The following DENND5A variants were observed in gnomAD, a reference collection of about 807,000 sequenced individuals.
DENND5A encodes the protein DENN domain-containing protein 5A.
A neutral mutation model predicts 140.3 loss-of-function variants in DENND5A; 64 were observed. The ratio of observed to expected loss-of-function variants is 0.46; its 90% CI spans 0.37 to 0.56. The LOEUF is 0.56. Ranked by LOEUF, DENND5A falls within the 20% of genes least tolerant of loss-of-function variation. The pLI, the probability that DENND5A is intolerant of heterozygous loss-of-function variation, is 0.00. For synonymous variants in DENND5A, 605 were observed against 607.7 expected (o/e 1.00, Z 0.07); for missense variants, 1,292 against 1,593.8 (o/e 0.81, Z 3.22).
chr11:9,173,465 G>A (rs1590232270), intron 8 of DENND5A, among the ~76,000 whole-genome samples: 1 of 152,222 alleles, frequency 6.6e-6, no homozygotes, highest in East Asian at 1.9e-4. Flanking sequence ...AAGTAAAATA[G>A]ATGACAATAG....
intron 15 of DENND5A, among the ~76,000 whole-genome samples, chr11:9,148,980 T>A (rs957278288): frequency 1.4e-4 from 22 of 151,942 alleles, no homozygotes; most frequent in Non-Finnish European, 5.9e-5. Flanking sequence ...GTGCAAAGAG[T>A]AAGCGGAGAA....
intron 1 of DENND5A, among the ~76,000 whole-genome samples, chr11:9,215,666 G>T (rs558083051): frequency 1.3e-5 from 2 of 151,468 alleles, no homozygotes; most frequent in African/African-American, 4.9e-5. Flanking sequence ...TCCTGTCTCA[G>T]CCTCCCTAGT....
At chr11:9,161,175 G>A (rs982166023) in intron 11 of DENND5A, among the ~76,000 whole-genome samples, 4 of 152,064 alleles carry the variant, frequency 2.6e-5, no homozygotes, top group South Asian at 2.1e-4. Context: ...GTGAAACCCC[G>A]TCTCTATTAA....
At position 9,178,372 on chromosome 11, in the gene DENND5A, G is replaced by A. The variant is rs766359821; in HGVS notation, c.1672-6C>T. ...TGATCTGACAGAAAAGATGCCTGGT[G>A]GGACCAAAAAGAAGCAGTAATTGAC... On this transcript the variant is annotated splice_region_variant and splice_polypyrimidine_tract_variant and intron_variant, in intron 7 of 22. Coordinates refer to ENST00000328194, the MANE Select transcript of DENND5A (RefSeq NM_015213.4). 1.3e-6 allele frequency: 2 copies of A among 1,580,448 alleles called. No homozygotes were observed. Among genetic ancestry groups the A allele is most frequent in the Non-Finnish European group, 1.7e-6 (2 of 1,150,208 alleles).
chr11:9,175,965 A>C (rs1442775385), intron 8 of DENND5A, among the ~76,000 whole-genome samples: 11 of 152,220 alleles, frequency 7.2e-5, no homozygotes, highest in African/African-American at 2.7e-4. Context: ...GGGCCTCATC[A>C]AAATAAAAGA....
At chr11:9,207,483 T>C in intron 2 of DENND5A, 78 bp downstream of exon 2, 2 of 1,119,494 alleles carry the variant, frequency 1.8e-6, no homozygotes, top group Admixed American at 3.7e-5. Flanking sequence ...AGGTCAAAGG[T>C]TACAAAATGC....
chr11:9,212,505 A>T (rs1849918882), intron 1 of DENND5A, among the ~76,000 whole-genome samples: 1 of 152,160 alleles, frequency 6.6e-6, no homozygotes, highest in African/African-American at 2.4e-5. Flanking sequence ...ACCAATGATA[A>T]GAGAGAACCT....
intron 1 of DENND5A, chr11:9,242,491 T>C (rs1851276963): frequency 6.6e-6 from 1 of 152,138 alleles, no homozygotes; most frequent in Non-Finnish European, 1.5e-5. Context: ...AAGTGCCCCA[T>C]CACTAAGTTG....
intron 10 of DENND5A, among the ~76,000 whole-genome samples, chr11:9,169,497 A>G (rs776108479): frequency 7.3e-4 from 94 of 128,054 alleles, no homozygotes; most frequent in African/African-American, 1.7e-3. Context: ...ATACACACGC[A>G]CACACACACA....
At chr11:9,250,937 C>T (rs1851690597) in intron 1 of DENND5A, among the ~76,000 whole-genome samples, 1 of 151,984 alleles carries the variant, frequency 6.6e-6, no homozygotes, top group Non-Finnish European at 1.5e-5. Context: ...AGTTCGAGGC[C>T]AGCCCCGACC....
chr11:9,188,268 T>G (rs1404797220), intron 5 of DENND5A, among the ~76,000 whole-genome samples: 1 of 152,218 alleles, frequency 6.6e-6, no homozygotes, highest in African/African-American at 2.4e-5. Context: ...TTGCTCCTCC[T>G]TGCCTTCCAC....
chr11:9,183,547 G>A (rs1848804896), intron 5 of DENND5A, among the ~76,000 whole-genome samples: 1 of 151,372 alleles, frequency 6.6e-6, no homozygotes, highest in Non-Finnish European at 1.5e-5. Flanking sequence ...CAAGTAGCTT[G>A]GACTATAGGC....
chr11:9,243,761 C>T (rs1564936707), intron 1 of DENND5A, among the ~76,000 whole-genome samples: 1 of 152,078 alleles, frequency 6.6e-6, no homozygotes, highest in Admixed American at 6.6e-5. Flanking sequence ...TGGTGGGTGC[C>T]TGTGGTCCCA....
At chr11:9,146,108 T>C (rs1331133334) in intron 16 of DENND5A, among the ~76,000 whole-genome samples, 1 of 152,208 alleles carries the variant, frequency 6.6e-6, no homozygotes, top group Non-Finnish European at 1.5e-5. Flanking sequence ...CGTTAAACAA[T>C]ATCCCCAACT....
chr11:9,151,275 GAGAAGATA>G (rs1329850118), intron 13 of DENND5A, among the ~76,000 whole-genome samples: 23 of 152,218 alleles, frequency 1.5e-4, no homozygotes, highest in Admixed American at 1.5e-3. Context: ...TCTAGGAGAA[GAGAAGATA>G]TAATACCTTT....
Position 9,234,918 on chromosome 11 carries a change from C to T in DENND5A, c.110-27286G>A, listed in dbSNP as rs186446845. 3.8e-3 allele frequency among the ~76,000 whole-genome samples: 573 copies of T among 152,262 alleles called. 6 individuals carry two copies. The highest frequency in any genetic ancestry group is 0.013 in the African/African-American group (553 of 41,558). ...TCTCAGCTCTGAAAGCTGTGAGACT[C>T]CCGATTTCCCACTCCATACCTCTAT... On this transcript the variant is annotated intron_variant, in intron 1 of 22. Transcript: ENST00000328194.
intron 10 of DENND5A, among the ~76,000 whole-genome samples, chr11:9,169,500 C>T (rs1224605174): frequency 7.3e-6 from 1 of 136,670 alleles, no homozygotes; most frequent in Non-Finnish European, 1.6e-5. Flanking sequence ...CACACGCACA[C>T]ACACACACAC....
At chr11:9,256,236 T>C (rs1590345967) in intron 1 of DENND5A, among the ~76,000 whole-genome samples, 1 of 151,816 alleles carries the variant, frequency 6.6e-6, no homozygotes, top group Non-Finnish European at 1.5e-5. Context: ...CCAAGGTGGG[T>C]GGATCATGAA....
chr11:9,218,245 C>A (rs1273254798), intron 1 of DENND5A, among the ~76,000 whole-genome samples: 4 of 150,120 alleles, frequency 2.7e-5, no homozygotes, highest in African/African-American at 9.9e-5. Context: ...GGTGACAGAG[C>A]AAGACCCCGT....
Sources: allele counts gnomAD v4.1 joint callset (sites outside exome capture counted in the v4.1 genomes callset), GRCh38; gene constraint gnomAD v4.1.1; transcripts MANE v1.5; gene names NCBI Gene and HGNC (gene_info 2026-07-23, HGNC 2026-07-21).